The following MRPS9 variants were observed in gnomAD, a reference collection of about 807,000 sequenced individuals.
MRPS9 encodes the protein small ribosomal subunit protein uS9m.
A neutral mutation model predicts 59.9 loss-of-function variants in MRPS9; 45 were observed. The observed-to-expected ratio is 0.75, with a 90% CI of 0.59 to 0.96. The LOEUF (loss-of-function observed/expected upper bound fraction) is 0.96. Among genes scored for constraint, MRPS9 ranks in the 40% least tolerant of loss-of-function variants. The pLI is 0.00. For synonymous variants in MRPS9, 171 were observed against 166.8 expected (o/e 1.03, Z -0.19); for missense variants, 473 against 481.1 (o/e 0.98, Z 0.16).
chr2:105,074,629 G>T (rs1196837755), intron 4 of MRPS9, among the ~76,000 whole-genome samples: 1 of 152,180 alleles, frequency 6.6e-6, no homozygotes, highest in Non-Finnish European at 1.5e-5. Context: ...GGAATTAAAA[G>T]CACATGGAGT....
chr2:105,081,275 A>G (rs1317569056), intron 5 of MRPS9, among the ~76,000 whole-genome samples: 2 of 152,336 alleles, frequency 1.3e-5, no homozygotes, highest in African/African-American at 4.8e-5. Context: ...TAGCTGTCGG[A>G]GGGGATGATG....
In MRPS9 at chr2:105,066,991, C is replaced by T. The variant is rs13414255; in HGVS notation, c.316-4322C>T. ...AAATATAAACGCATACCCCCATCAC[C>T]TAGATTTGCCAGATTTTCACATTTT... On this transcript the variant is annotated intron_variant, in intron 2 of 10. Coordinates refer to ENST00000258455, the MANE Select transcript of MRPS9 (RefSeq NM_182640.3). Among the ~76,000 whole-genome samples the T allele has an allele frequency of 3.8e-3, 583 of 152,222 alleles. 8 individuals are homozygous for T. The highest frequency in any genetic ancestry group is 0.013 in the African/African-American group (558 of 41,534).
chr2:105,096,435 A>G lies in MRPS9; in HGVS notation c.930-720A>G, dbSNP rs373525735. On this transcript the variant is annotated intron_variant, in intron 9 of 10. Transcript: ENST00000258455. Reference sequence around the variant, plus strand: ...CTGGCGTGAAAATGATATTCAACAAATACTTGTTCAGTTGAGCAGGAGAAA... The same window carrying G: ...CTGGCGTGAAAATGATATTCAACAAGTACTTGTTCAGTTGAGCAGGAGAAA... 8.7e-4 allele frequency among the ~76,000 whole-genome samples: 133 copies of G among 152,260 alleles called. 1 individual carries two copies. The highest frequency in any genetic ancestry group is 3.1e-3 in the African/African-American group (128 of 41,560).
At chr2:105,081,060 G>T (rs1680328734) in intron 5 of MRPS9, among the ~76,000 whole-genome samples, 1 of 152,156 alleles carries the variant, frequency 6.6e-6, no homozygotes, top group African/African-American at 2.4e-5. Context: ...GTTCTCTCCC[G>T]CACAGCCTGA....
intron 1 of MRPS9, 67 bp downstream of exon 1, chr2:105,038,294 C>T: frequency 1.3e-6 from 2 of 1,559,162 alleles, no homozygotes; most frequent in South Asian, 2.4e-5. Context: ...AGCGCGGACA[C>T]CTTCCCCCAG....
chr2:105,058,136 C>G (rs541389522), intron 2 of MRPS9, among the ~76,000 whole-genome samples: 1 of 152,290 alleles, frequency 6.6e-6, no homozygotes, highest in Admixed American at 6.5e-5. Flanking sequence ...GTGCTCACTT[C>G]TAATGAACAG....
rs1680351481 is a variant in MRPS9, at chr2:105,081,694, GT to G, written c.489+1634del. On this transcript the variant is annotated intron_variant, in intron 5 of 10. Coordinates refer to ENST00000258455, the MANE Select transcript of MRPS9 (RefSeq NM_182640.3). ...TGATCAGTTTCTAAGTGGATGAAAT[GT>G]TACCATACTCTCTGACTAAAATGTC... Among the ~76,000 whole-genome samples the G allele has an allele frequency of 2.0e-5, 3 of 152,308 alleles. No homozygotes were observed. The South Asian group carries it at 6.2e-4, about 32-fold the overall frequency.
chr2:105,096,839 C>T (rs915413075), intron 9 of MRPS9, among the ~76,000 whole-genome samples: 1 of 152,016 alleles, frequency 6.6e-6, no homozygotes, highest in African/African-American at 2.4e-5. Flanking sequence ...ATGGAGTTCC[C>T]CAACTGTAAG....
At chr2:105,049,429 T>G in intron 2 of MRPS9, 79 bp downstream of exon 2, 1 of 1,207,598 alleles carries the variant, frequency 8.3e-7, no homozygotes, top group Non-Finnish European at 1.2e-6. Flanking sequence ...ATGAGCCCCT[T>G]AGCTCTGTGT....
Position 105,049,298 on chromosome 2 carries a change from T to C in MRPS9, c.263T>C (p.Leu88Ser), listed in dbSNP as rs1679665858. Residue 88 changes from leucine (L) to serine (S), a missense_variant, in exon 2 of 11, where the codon TTA becomes TCA. Coordinates refer to ENST00000258455, the MANE Select transcript of MRPS9 (RefSeq NM_182640.3). ...IEEFNIGKRH[L>S]ANMMGEDPET... Reference sequence around the variant, plus strand: ...GAGTTCAACATAGGAAAGAGACATTTAGCCAACATGATGGGAGAAGATCCA... The same window carrying C: ...GAGTTCAACATAGGAAAGAGACATTCAGCCAACATGATGGGAGAAGATCCA... The C allele has an allele frequency of 1.2e-6, 2 of 1,612,884 alleles. No homozygotes were observed. Among genetic ancestry groups the C allele is most frequent in the African/African-American group, 2.7e-5 (2 of 74,840 alleles).
intron 8 of MRPS9, 81 bp downstream of exon 8, chr2:105,092,650 G>C: frequency 8.5e-7 from 1 of 1,178,594 alleles, no homozygotes; most frequent in Non-Finnish European, 1.2e-6. Context: ...TTGCTTTCTG[G>C]TATCCATTAG....
chr2:105,045,353 T>TC (rs909642420), intron 1 of MRPS9, among the ~76,000 whole-genome samples: 7 of 150,494 alleles, frequency 4.7e-5, no homozygotes, highest in Non-Finnish European at 7.4e-5. Flanking sequence ...TTTTTTTTTT[T>TC]CATATAGCAA....
chr2:105,092,184 C>T, intron 7 of MRPS9: 2 of 435,706 alleles, frequency 4.6e-6, no homozygotes, highest in Non-Finnish European at 8.1e-6. Flanking sequence ...TGATAAATCT[C>T]TTTGTTTCTT....
chr2:105,038,201 G>A lies in MRPS9; in HGVS notation c.109G>A (p.Glu37Lys), dbSNP rs781171527. The A allele has an allele frequency of 6.2e-7, 1 of 1,612,794 alleles. No homozygotes were observed. Among genetic ancestry groups the A allele is most frequent in the Non-Finnish European group, 8.5e-7 (1 of 1,179,436 alleles). Residue 37 changes from glutamate to lysine, a missense_variant, in exon 1 of 11, where the codon GAG becomes AAG. Glu to Lys is a moderately conservative substitution (Grantham distance 56). Transcript: ENST00000258455. ...AGGCCTCTGGAAAACCGCGGCCCCTGAGTTGCAAACAAATGTCAGATCCCA... is the reference window on the plus strand; with the variant it reads ...AGGCCTCTGGAAAACCGCGGCCCCTAAGTTGCAAACAAATGTCAGATCCCA... ...KQGLWKTAAP[E>K]LQTNVRSQIL...
intron 5 of MRPS9, among the ~76,000 whole-genome samples, chr2:105,087,881 A>G (rs1558762129): frequency 6.6e-6 from 1 of 150,490 alleles, no homozygotes; most frequent in Non-Finnish European, 1.5e-5. Context: ...CTAAAATGCA[A>G]GCACTAGTAA....
chr2:105,097,980 G>A (rs1366505159), intron 10 of MRPS9, among the ~76,000 whole-genome samples: 4 of 152,204 alleles, frequency 2.6e-5, no homozygotes, highest in Admixed American at 2.6e-4. Context: ...TACGTAGCAT[G>A]AGCTACCACA....
intron 2 of MRPS9, among the ~76,000 whole-genome samples, chr2:105,070,719 G>A (rs767367057): frequency 1.8e-4 from 27 of 152,128 alleles, no homozygotes; most frequent in Non-Finnish European, 3.4e-4. Context: ...TACTGATGCC[G>A]ACTGGAAAAA....
At chr2:105,067,052 A>AT (rs1680014245) in intron 2 of MRPS9, among the ~76,000 whole-genome samples, 1 of 152,110 alleles carries the variant, frequency 6.6e-6, no homozygotes, top group Non-Finnish European at 1.5e-5. Flanking sequence ...TATGTAAAAC[A>AT]TTTTTTATTG....
At chr2:105,050,997 G>C (rs989363204) in intron 2 of MRPS9, among the ~76,000 whole-genome samples, 1 of 152,192 alleles carries the variant, frequency 6.6e-6, no homozygotes, top group Non-Finnish European at 1.5e-5. Flanking sequence ...ATCAGTTGAT[G>C]GGCATTTGGA....
Sources: gnomAD v4.1 joint callset for allele counts (sites outside exome capture counted in the v4.1 genomes callset) on GRCh38, gnomAD v4.1.1 for gene constraint, MANE v1.5 for transcripts, NCBI Gene and HGNC (gene_info 2026-07-23, HGNC 2026-07-21) for gene names.